The following EXOC6B variants were observed in gnomAD, a reference collection of about 807,000 sequenced individuals.
EXOC6B encodes the protein SEC15 homolog B.
In EXOC6B, 54 loss-of-function variants were observed where a neutral mutation model predicts 113.5. The observed-to-expected ratio is 0.48, with a 90% confidence interval of 0.38 to 0.60. EXOC6B has a LOEUF of 0.60. EXOC6B is among the 20% of genes least tolerant of loss of function. The pLI, the probability that EXOC6B is intolerant of heterozygous loss-of-function variation, is 0.00. For synonymous variants in EXOC6B, 357 were observed against 339.0 expected (o/e 1.05, Z -0.58); for missense variants, 797 against 977.5 (o/e 0.82, Z 2.46).
intron 6 of EXOC6B, among the ~76,000 whole-genome samples, chr2:72,612,042 G>A (rs1360382299): frequency 6.6e-6 from 1 of 152,112 alleles, no homozygotes; most frequent in Admixed American, 6.5e-5. Context: ...CAGCACTTTG[G>A]AAGCCTGAGG....
chr2:72,355,629 A>G (rs964528441), intron 19 of EXOC6B, among the ~76,000 whole-genome samples: 2 of 152,202 alleles, frequency 1.3e-5, no homozygotes, highest in Non-Finnish European at 2.9e-5. Flanking sequence ...TTTTCTGCAT[A>G]CAAACTTGAA....
intron 1 of EXOC6B, among the ~76,000 whole-genome samples, chr2:72,808,948 A>G (rs1049821867): frequency 8.6e-5 from 13 of 152,000 alleles, no homozygotes; most frequent in Admixed American, 8.5e-4. Flanking sequence ...TGGTATAGTC[A>G]CAGCTACTCA....
chr2:72,724,288 T>A (rs778827351), intron 5 of EXOC6B, among the ~76,000 whole-genome samples: 15 of 152,196 alleles, frequency 9.9e-5, no homozygotes, highest in Non-Finnish European at 1.6e-4. Context: ...ATTCAAACTC[T>A]GAACAGTCAA....
Position 72,559,984 on chromosome 2 carries a change from C to T in EXOC6B, c.847-463G>A, listed in dbSNP as rs140311749. 2.9e-3 allele frequency among the ~76,000 whole-genome samples: 438 copies of T among 152,176 alleles called. 1 individual carries two copies. Among genetic ancestry groups the T allele is most frequent in the African/African-American group, 4.6e-3 (189 of 41,530 alleles). On this transcript the variant is annotated intron_variant, in intron 7 of 21. Coordinates refer to ENST00000272427, the MANE Select transcript of EXOC6B (RefSeq NM_015189.3). Reference sequence around the variant, plus strand: ...GGCCTGCCAGCCAACTTCTGAAGAACACAAGAATTCGTCAATACTTAAGTC... The same window carrying T: ...GGCCTGCCAGCCAACTTCTGAAGAATACAAGAATTCGTCAATACTTAAGTC...
At chr2:72,329,040 G>A (rs1688288382) in intron 20 of EXOC6B, among the ~76,000 whole-genome samples, 2 of 152,040 alleles carry the variant, frequency 1.3e-5, no homozygotes, top group Admixed American at 1.3e-4. Flanking sequence ...CTGAGCGCTT[G>A]GAGAGTATCT....
chr2:72,182,751 C>T, intron 21 of EXOC6B: 3 of 500,362 alleles, frequency 6.0e-6, no homozygotes, highest in South Asian at 1.0e-4. Flanking sequence ...CCAGTTGGCA[C>T]CAGGCTGGTT....
At chr2:72,712,450 T>C (rs1396217471) in intron 6 of EXOC6B, among the ~76,000 whole-genome samples, 1 of 152,156 alleles carries the variant, frequency 6.6e-6, no homozygotes, top group African/African-American at 2.4e-5. Flanking sequence ...CTCTCTCACC[T>C]GGAGCTCAGA....
intron 8 of EXOC6B, among the ~76,000 whole-genome samples, chr2:72,526,570 G>A (rs574701796): frequency 6.6e-6 from 1 of 152,066 alleles, no homozygotes; most frequent in East Asian, 1.9e-4. Flanking sequence ...ATAGTTAAGT[G>A]AGGGTTGGGG....
At chr2:72,524,151 A>T (rs953314583) in intron 8 of EXOC6B, among the ~76,000 whole-genome samples, 4 of 103,414 alleles carry the variant, frequency 3.9e-5, no homozygotes, top group Non-Finnish European at 7.3e-5. Context: ...TACAGAGTTT[A>T]AAAAAAAAAA....
intron 1 of EXOC6B, among the ~76,000 whole-genome samples, chr2:72,819,117 T>G (rs1024027832): frequency 6.6e-6 from 1 of 152,204 alleles, no homozygotes; most frequent in Non-Finnish European, 1.5e-5. Context: ...AATGAATATA[T>G]GAATGAATCA....
chr2:72,748,375 T>C (rs1205067735), intron 1 of EXOC6B, among the ~76,000 whole-genome samples: 1 of 152,072 alleles, frequency 6.6e-6, no homozygotes, highest in Non-Finnish European at 1.5e-5. Flanking sequence ...TTGTGCATGA[T>C]GTTGAAAGAG....
At chr2:72,442,027 G>A (rs1379029850) in intron 18 of EXOC6B, among the ~76,000 whole-genome samples, 1 of 152,136 alleles carries the variant, frequency 6.6e-6, no homozygotes, top group Non-Finnish European at 1.5e-5. Flanking sequence ...ATCAAATCGA[G>A]CAGCGCATCA....
At chr2:72,440,453 A>C (rs1211645009) in intron 18 of EXOC6B, among the ~76,000 whole-genome samples, 1 of 152,208 alleles carries the variant, frequency 6.6e-6, no homozygotes, top group Non-Finnish European at 1.5e-5. Flanking sequence ...TGAAGGAGAA[A>C]TAAGACCCTT....
rs759854994 is a variant in EXOC6B at position 72,731,002 on chromosome 2, C to T, written c.464+5G>A. 24 of 1,524,112 alleles carry T rather than the reference C, an allele frequency of 1.6e-5. 1 individual carries two copies. In the South Asian group the frequency reaches 2.6e-4, roughly 16 times the overall value. 94.4% of individuals were successfully genotyped at this position (1,524,112 alleles called of 1,614,324 possible). ...AAAAACTGTTCGATTAAAAAAAAAT[C>T]TTACCTTTTAGTTTTCATCTGGTCC... On this transcript the variant is annotated splice_donor_5th_base_variant and intron_variant, in intron 5 of 21. Coordinates refer to ENST00000272427, the MANE Select transcript of EXOC6B (RefSeq NM_015189.3).
intron 6 of EXOC6B, among the ~76,000 whole-genome samples, chr2:72,657,835 A>G (rs994604677): frequency 1.4e-4 from 21 of 151,308 alleles, no homozygotes; most frequent in Non-Finnish European, 2.7e-4. Context: ...ACTTTTTTTA[A>G]TGTTCACAAT....
At chr2:72,525,433 T>C (rs1275391578) in intron 8 of EXOC6B, among the ~76,000 whole-genome samples, 1 of 152,176 alleles carries the variant, frequency 6.6e-6, no homozygotes, top group African/African-American at 2.4e-5. Context: ...AGGGAATGGT[T>C]CTTAATCATA....
intron 8 of EXOC6B, among the ~76,000 whole-genome samples, chr2:72,520,180 C>A (rs971215875): frequency 4.6e-5 from 7 of 152,140 alleles, no homozygotes; most frequent in African/African-American, 1.7e-4. Flanking sequence ...GTATTCCCAA[C>A]TCCTACAACA....
At chr2:72,376,068 G>A (rs763505490) in intron 19 of EXOC6B, among the ~76,000 whole-genome samples, 60 of 151,862 alleles carry the variant, frequency 4.0e-4, no homozygotes, top group Non-Finnish European at 8.2e-4. Context: ...AAGGGGAGGC[G>A]AATTAGATGC....
At chr2:72,660,780 C>T (rs1216545945) in intron 6 of EXOC6B, among the ~76,000 whole-genome samples, 1 of 151,002 alleles carries the variant, frequency 6.6e-6, no homozygotes, top group African/African-American at 2.4e-5. Context: ...AGGAAGAAGA[C>T]CAGAAGTTGA....
Sources: gnomAD v4.1 joint callset for allele counts (sites outside exome capture counted in the v4.1 genomes callset) on GRCh38, gnomAD v4.1.1 for gene constraint, MANE v1.5 for transcripts, NCBI Gene and HGNC (gene_info 2026-07-23, HGNC 2026-07-21) for gene names.